RUNX2: variants seen among roughly 807,000 people sequenced by gnomAD.
RUNX2 encodes runt-related transcription factor 2.
A neutral mutation model predicts 51.7 loss-of-function variants in RUNX2; 10 were observed. The observed-to-expected ratio is 0.19, with a 90% CI of 0.12 to 0.33. The LOEUF (loss-of-function observed/expected upper bound fraction) is 0.33, where lower values mean the gene tolerates loss of function less well. RUNX2 is among the 10% of genes least tolerant of loss of function. RUNX2 has a pLI of 1.00. For synonymous variants in RUNX2, 276 were observed against 273.6 expected (o/e 1.01, Z -0.09); for missense variants, 562 against 691.3 (o/e 0.81, Z 2.10).
At chr6:45,420,343 C>T (rs1284226235) in intron 2 of RUNX2, among the ~76,000 whole-genome samples, 1 of 152,174 alleles carries the variant, frequency 6.6e-6, no homozygotes, top group African/African-American at 2.4e-5. Flanking sequence ...GGCGCAGACC[C>T]GGGCGTGGGC....
At chr6:45,335,019 A>G (rs1788272421) in intron 2 of RUNX2, among the ~76,000 whole-genome samples, 1 of 151,326 alleles carries the variant, frequency 6.6e-6, no homozygotes, top group African/African-American at 2.4e-5. Context: ...GGCAAATATG[A>G]ATGGAATTAA....
At chr6:45,358,621 T>A (rs1793674478) in intron 2 of RUNX2, among the ~76,000 whole-genome samples, 1 of 152,206 alleles carries the variant, frequency 6.6e-6, no homozygotes, top group South Asian at 2.1e-4. Flanking sequence ...ACACTATGTG[T>A]TTTAATTCAA....
chr6:45,347,862 C>T (rs112253833), intron 2 of RUNX2, among the ~76,000 whole-genome samples: 35 of 151,936 alleles, frequency 2.3e-4, no homozygotes, highest in African/African-American at 8.2e-4. Context: ...TTAAAAAATA[C>T]TACATGCCTA....
chr6:45,488,881 CCTTGA>C (rs1336750748), intron 5 of RUNX2, among the ~76,000 whole-genome samples: 3 of 152,184 alleles, frequency 2.0e-5, no homozygotes, highest in Non-Finnish European at 4.4e-5. Flanking sequence ...AGTACCCTAT[CCTTGA>C]CTTAGTCAGT....
At chr6:45,359,939 T>C (rs1445196038) in intron 2 of RUNX2, among the ~76,000 whole-genome samples, 1 of 152,156 alleles carries the variant, frequency 6.6e-6, no homozygotes, top group Non-Finnish European at 1.5e-5. Context: ...CAGCTACTTG[T>C]TGAGGCAGGA....
chr6:45,335,917 C>G (rs1310901467), intron 2 of RUNX2, among the ~76,000 whole-genome samples: 1 of 151,122 alleles, frequency 6.6e-6, no homozygotes, highest in Non-Finnish European at 1.5e-5. Flanking sequence ...TTATAAGAGT[C>G]AATGCAAAAA....
At chr6:45,348,796 C>A (rs1046255145) in intron 2 of RUNX2, among the ~76,000 whole-genome samples, 8 of 152,070 alleles carry the variant, frequency 5.3e-5, no homozygotes, top group Non-Finnish European at 5.9e-5. Flanking sequence ...ATTTCCTCTT[C>A]CCACAACTCT....
chr6:45,512,109 C>T (rs1470277887), intron 6 of RUNX2, 137 bp from the exon 7 acceptor site: 4 of 719,782 alleles, frequency 5.6e-6, no homozygotes, highest in Non-Finnish European at 6.9e-6. Context: ...ATAGCCATTC[C>T]TTATATATTA....
intron 3 of RUNX2, among the ~76,000 whole-genome samples, chr6:45,427,931 A>G (rs1798427633): frequency 6.6e-6 from 1 of 152,166 alleles, no homozygotes; most frequent in Non-Finnish European, 1.5e-5. Flanking sequence ...TTTAAATGCT[A>G]GTTATGGTGA....
intron 5 of RUNX2, among the ~76,000 whole-genome samples, chr6:45,466,656 G>A (rs1366118697): frequency 6.6e-6 from 1 of 152,210 alleles, no homozygotes; most frequent in Non-Finnish European, 1.5e-5. Context: ...GTTTTTAGTA[G>A]GATTCCAGTA....
intron 4 of RUNX2, among the ~76,000 whole-genome samples, chr6:45,432,444 C>CT (rs1798568815): frequency 6.6e-6 from 1 of 152,130 alleles, no homozygotes; most frequent in Non-Finnish European, 1.5e-5. Context: ...ATGCTCTTCA[C>CT]TTATCACAGG....
intron 7 of RUNX2, among the ~76,000 whole-genome samples, chr6:45,541,979 G>T (rs1432739901): frequency 6.6e-6 from 1 of 152,024 alleles, no homozygotes; most frequent in East Asian, 1.9e-4. Flanking sequence ...AGGTGTGACT[G>T]TTATGAAGTT....
At chr6:45,370,245 G>A (rs79840815) in intron 2 of RUNX2, among the ~76,000 whole-genome samples, 3,101 of 152,266 alleles carry the variant, frequency 0.02, 43 homozygotes, top group Non-Finnish European at 0.033. Flanking sequence ...CAGATTTCTG[G>A]AATACATTTT....
At chr6:45,472,960 C>G (rs1043892461) in intron 5 of RUNX2, among the ~76,000 whole-genome samples, 52 of 152,126 alleles carry the variant, frequency 3.4e-4, no homozygotes, top group Admixed American at 3.4e-3. Flanking sequence ...AAAGGGAGAA[C>G]CAGTTCATTT....
chr6:45,422,012 CGCGCGGGGGGA>C (rs1798206325), intron 2 of RUNX2: 1 of 149,474 alleles, frequency 6.7e-6, no homozygotes, highest in East Asian at 2.0e-4. Flanking sequence ...GCGTGCAGCC[CGCGCGGGGGGA>C]GCGGCGGCCG....
At chr6:45,378,527 A>G (rs1381668906) in intron 2 of RUNX2, among the ~76,000 whole-genome samples, 1 of 152,176 alleles carries the variant, frequency 6.6e-6, no homozygotes, top group East Asian at 1.9e-4. Context: ...TCCGCGCGCC[A>G]TCACTCCCTA....
At chr6:45,365,348 A>G in intron 2 of RUNX2, 1 of 1,232,040 alleles carries the variant, frequency 8.1e-7, no homozygotes, top group Non-Finnish European at 1.2e-6. Flanking sequence ...CCTAGCTATA[A>G]GTAAATGCAA....
intron 2 of RUNX2, among the ~76,000 whole-genome samples, chr6:45,408,266 A>G (rs548321597): frequency 9.9e-5 from 15 of 152,024 alleles, no homozygotes; most frequent in Non-Finnish European, 2.1e-4. Context: ...AAGGCAATGC[A>G]TAACAGTAAG....
intron 2 of RUNX2, among the ~76,000 whole-genome samples, chr6:45,337,115 AAAATAAAAGCTC>A (rs1788730573): frequency 1.3e-5 from 2 of 151,734 alleles, no homozygotes; most frequent in Non-Finnish European, 3.0e-5. Flanking sequence ...TATGCTTTCT[AAAATAAAAGCTC>A]AAATTAAAGC....
Sources: gnomAD v4.1 joint callset for allele counts (sites outside exome capture counted in the v4.1 genomes callset) on GRCh38, gnomAD v4.1.1 for gene constraint, MANE v1.5 for transcripts, NCBI Gene and HGNC (gene_info 2026-07-23, HGNC 2026-07-21) for gene names.